The following MNAT1 variants were observed in gnomAD, a reference collection of about 807,000 sequenced individuals.
The protein encoded by MNAT1 is MNAT1 component of CDK activating kinase.
A neutral mutation model predicts 42.0 loss-of-function variants in MNAT1; 43 were observed. That is an observed-to-expected ratio of 1.02 (90% CI 0.80 to 1.32). The LOEUF (loss-of-function observed/expected upper bound fraction) is 1.32, where lower values mean the gene tolerates loss of function less well. MNAT1 is among the 40% of genes most tolerant of loss of function. MNAT1 has a pLI of 0.00. For synonymous variants in MNAT1, 118 were observed against 120.0 expected (o/e 0.98, Z 0.11); for missense variants, 306 against 350.4 (o/e 0.87, Z 1.01).
chr14:60,856,743 C>A (rs4151270), intron 6 of MNAT1, among the ~76,000 whole-genome samples: 2 of 150,940 alleles, frequency 1.3e-5, no homozygotes, highest in East Asian at 3.9e-4. Flanking sequence ...TGCAGTGGCA[C>A]GATCTCAGCT....
intron 1 of MNAT1, among the ~76,000 whole-genome samples, chr14:60,749,925 C>T (rs976727464): frequency 1.3e-5 from 2 of 152,124 alleles, no homozygotes; most frequent in Non-Finnish European, 2.9e-5. Context: ...TACTAATAAA[C>T]GTATTTGCAG....
chr14:60,757,422 A>G (rs1210865551), intron 1 of MNAT1, among the ~76,000 whole-genome samples: 1 of 152,022 alleles, frequency 6.6e-6, no homozygotes, highest in Admixed American at 6.6e-5. Flanking sequence ...CACAGGCTAG[A>G]ATGTTTGACA....
intron 1 of MNAT1, among the ~76,000 whole-genome samples, chr14:60,742,193 CT>C (rs1164762194): frequency 1.3e-5 from 2 of 152,110 alleles, no homozygotes; most frequent in African/African-American, 4.8e-5. Context: ...TCAAGGGATC[CT>C]TCCACTTCAG....
intron 1 of MNAT1, among the ~76,000 whole-genome samples, chr14:60,761,725 CTA>C (rs2030606361): frequency 6.6e-6 from 1 of 152,166 alleles, no homozygotes; most frequent in Non-Finnish European, 1.5e-5. Context: ...TTGGGTAAGA[CTA>C]TGTGCCAAAC....
chr14:60,840,369 A>G (rs772094355), intron 6 of MNAT1, among the ~76,000 whole-genome samples: 2 of 152,246 alleles, frequency 1.3e-5, no homozygotes, highest in Non-Finnish European at 2.9e-5. Flanking sequence ...ATCTCATACT[A>G]CAGTGTATTT....
chr14:60,953,097 G>A (rs1462484790), intron 7 of MNAT1, among the ~76,000 whole-genome samples: 1 of 152,062 alleles, frequency 6.6e-6, no homozygotes, highest in East Asian at 1.9e-4. Flanking sequence ...AGGATATGAG[G>A]AACAAGTGGA....
intron 6 of MNAT1, among the ~76,000 whole-genome samples, chr14:60,862,287 T>C (rs1367784282): frequency 6.6e-6 from 1 of 152,248 alleles, no homozygotes; most frequent in African/African-American, 2.4e-5. Context: ...CTTTGTGTGC[T>C]AGCTTTTTCC....
At chr14:60,749,627 T>G (rs1054103708) in intron 1 of MNAT1, among the ~76,000 whole-genome samples, 10 of 152,186 alleles carry the variant, frequency 6.6e-5, no homozygotes, top group African/African-American at 2.4e-4. Context: ...TTCGAGTAAA[T>G]TTAAGAATTC....
intron 7 of MNAT1, among the ~76,000 whole-genome samples, chr14:60,926,614 T>A (rs530351144): frequency 3.9e-5 from 6 of 152,254 alleles, no homozygotes; most frequent in South Asian, 2.1e-4. Flanking sequence ...AGGTGCATAG[T>A]TGGGGAGCAC....
intron 7 of MNAT1, among the ~76,000 whole-genome samples, chr14:60,954,857 A>G (rs186893881): frequency 2.6e-5 from 4 of 152,160 alleles, no homozygotes; most frequent in Non-Finnish European, 5.9e-5. Context: ...ATCGTATTTT[A>G]TATATATATG....
intron 6 of MNAT1, among the ~76,000 whole-genome samples, chr14:60,845,518 T>C (rs1250568390): frequency 6.6e-6 from 1 of 152,122 alleles, no homozygotes; most frequent in Non-Finnish European, 1.5e-5. Flanking sequence ...AACCGGTTTT[T>C]TCTTAAACAG....
chr14:60,885,465 A>G (rs972434395), intron 7 of MNAT1, among the ~76,000 whole-genome samples: 5 of 151,908 alleles, frequency 3.3e-5, no homozygotes, highest in Admixed American at 3.3e-4. Context: ...CAATTCTGCT[A>G]TTAAGAGACT....
intron 7 of MNAT1, among the ~76,000 whole-genome samples, chr14:60,893,746 C>T (rs1431743633): frequency 2.0e-5 from 3 of 152,030 alleles, no homozygotes; most frequent in African/African-American, 7.2e-5. Flanking sequence ...TCTTGTTCTA[C>T]CCTCTAGTTT....
At chr14:60,741,617 C>T (rs1171956620) in intron 1 of MNAT1, among the ~76,000 whole-genome samples, 1 of 149,236 alleles carries the variant, frequency 6.7e-6, no homozygotes, top group Non-Finnish European at 1.5e-5. Flanking sequence ...CCTCGGCCTC[C>T]CAAAGTGCTG....
chr14:60,939,178 A>C (rs1439289272), intron 7 of MNAT1, among the ~76,000 whole-genome samples: 2 of 152,160 alleles, frequency 1.3e-5, no homozygotes, highest in African/African-American at 2.4e-5. Context: ...CTTTTCAAAA[A>C]ACCAGCTCCT....
Position 60,815,973 on chromosome 14 carries a change from G to A in MNAT1, c.562-2749G>A, listed in dbSNP as rs145119317. Among the ~76,000 whole-genome samples the A allele has an allele frequency of 4.0e-4, 60 of 151,766 alleles. 1 individual carries two copies. In the East Asian group the frequency reaches 0.011, roughly 28 times the overall value. On this transcript the variant is annotated intron_variant, in intron 5 of 7. Transcript: ENST00000261245. ...TCATTAAATTTATTTTTATCCTCTT[G>A]AATCCTTATTAACTAAGTAAAAGAA... is the stretch of plus-strand genomic sequence containing the variant.
At chr14:60,934,412 T>G (rs182068046) in intron 7 of MNAT1, among the ~76,000 whole-genome samples, 24 of 152,224 alleles carry the variant, frequency 1.6e-4, no homozygotes, top group Admixed American at 1.6e-3. Context: ...GGTTTGGCTG[T>G]GTCCGCACCC....
chr14:60,906,909 C>G (rs540820421), intron 7 of MNAT1, among the ~76,000 whole-genome samples: 2 of 152,176 alleles, frequency 1.3e-5, no homozygotes, highest in East Asian at 1.9e-4. Flanking sequence ...TTTATGTATG[C>G]AGAAATTAGT....
Position 60,869,752 on chromosome 14 carries a change from G to A in MNAT1, c.688-9962G>A, listed in dbSNP as rs537461843. Among the ~76,000 whole-genome samples the A allele has an allele frequency of 4.0e-5, 6 of 151,896 alleles. No homozygotes were observed. The East Asian group carries it at 1.2e-3, about 29-fold the overall frequency. ...TTTCATGTTTAGTATTTTTATTATTGTTTATCTCAACAATCTATATACTAA... is the reference window on the plus strand; with the variant it reads ...TTTCATGTTTAGTATTTTTATTATTATTTATCTCAACAATCTATATACTAA... On this transcript the variant is annotated intron_variant, in intron 6 of 7. Coordinates refer to ENST00000261245, the MANE Select transcript of MNAT1 (RefSeq NM_002431.4).
Sources: allele counts gnomAD v4.1 joint callset (sites outside exome capture counted in the v4.1 genomes callset), GRCh38; gene constraint gnomAD v4.1.1; transcripts MANE v1.5; gene names NCBI Gene and HGNC (gene_info 2026-07-23, HGNC 2026-07-21).